KDF1: variants seen among roughly 807,000 people sequenced by gnomAD.
The protein encoded by KDF1 is keratinocyte differentiation factor 1.
In KDF1, 11 loss-of-function variants were observed where a neutral mutation model predicts 31.6. That is an observed-to-expected ratio of 0.35 (90% CI 0.22 to 0.58). KDF1 has a LOEUF of 0.58. Ranked by LOEUF, KDF1 falls within the 20% of genes least tolerant of loss-of-function variation. The probability of loss-of-function intolerance (pLI) is 0.83; values close to 1 mark genes in which losing one functional copy is unlikely to be tolerated. For synonymous variants in KDF1, 205 were observed against 214.4 expected (o/e 0.96, Z 0.38); for missense variants, 476 against 549.1 (o/e 0.87, Z 1.33).
At position 26,950,713 on chromosome 1, in the gene KDF1, G is replaced by A. The variant is rs762808351; in HGVS notation, c.1083C>T (p.Ile361=). 3.3e-5 allele frequency: 54 copies of A among 1,613,978 alleles called. No individual in the cohort carries two copies. Among genetic ancestry groups the A allele is most frequent in the Non-Finnish European group, 3.6e-5 (43 of 1,180,008 alleles). The change falls in exon 3 of 4, where the codon ATC becomes ATT. Residue 361 remains isoleucine, a synonymous_variant. Transcript: ENST00000320567. This position sits in a 1 kb window ranked among gnomAD's most constrained non-coding sequence, Gnocchi z 4.0. ...QISQETTADA[I]ARKLRPYGAP... ...CTCCATAAGGCCTCAGCTTCCGGGC[G>A]ATGGCATCTGCAGTCGTCTCCTGGG... is the stretch of plus-strand genomic sequence containing the variant.
Position 26,949,673 on chromosome 1 carries a change from A to G in KDF1, c.*396T>C, listed in dbSNP as rs772348729. ...TGGGCCCTGCCCACCCCCCAATACAATACATTTAAGATAAGCTTCTTTTAA... is the reference window on the plus strand; with the variant it reads ...TGGGCCCTGCCCACCCCCCAATACAGTACATTTAAGATAAGCTTCTTTTAA... On this transcript the variant is annotated 3_prime_UTR_variant, in exon 4 of 4. Transcript: ENST00000320567. The G allele has an allele frequency of 3.4e-4, 76 of 224,102 alleles. No homozygotes were observed. The highest frequency in any genetic ancestry group is 6.3e-4 in the Non-Finnish European group (70 of 111,608). 13.9% of individuals were successfully genotyped at this position (224,102 alleles called of 1,614,324 possible).
rs752930295 is a variant in KDF1 at position 26,951,542 on chromosome 1, CTGA to C, written c.836_838del (p.Ile279del). The stretch of plus-strand genomic sequence containing the variant: ...CAGGTGGTAGTCCTGCGTGATGCTG[CTGA>C]TAAGGTCCGAGATCTTACTGGTCTT... On this transcript the variant is annotated inframe_deletion, in exon 2 of 4. Coordinates refer to ENST00000320567, the MANE Select transcript of KDF1 (RefSeq NM_152365.3). The surrounding 1 kb of genome is among the most constrained non-coding windows in gnomAD (Gnocchi z 5.4). 1.2e-6 allele frequency: 2 copies of C among 1,612,800 alleles called. No homozygotes were observed.
chr1:26,956,735 G>C (rs1178081604), intron 1 of KDF1, among the ~76,000 whole-genome samples: 1 of 152,120 alleles, frequency 6.6e-6, no homozygotes, highest in Non-Finnish European at 1.5e-5. Context: ...GATTACTGTG[G>C]TTATATAAGA....
At chr1:26,956,778 G>A (rs2082378860) in intron 1 of KDF1, among the ~76,000 whole-genome samples, 1 of 152,180 alleles carries the variant, frequency 6.6e-6, no homozygotes, top group African/African-American at 2.4e-5. Flanking sequence ...ATACATTGAA[G>A]CACTTGGGGA....
At chr1:26,959,212 TGAGAA>T (rs948474883) in intron 1 of KDF1, among the ~76,000 whole-genome samples, 1 of 152,118 alleles carries the variant, frequency 6.6e-6, no homozygotes, top group African/African-American at 2.4e-5. Flanking sequence ...GGTGGTGGGA[TGAGAA>T]GAGAAGACCT....
In KDF1 at chr1:26,952,246, T is replaced by C. The variant is rs1415719444; in HGVS notation, c.135A>G (p.Pro45=). Residue 45 remains proline, a synonymous_variant, in exon 2 of 4, where the codon CCA becomes CCG. Transcript: ENST00000320567. The surrounding 1 kb of genome is among the most constrained non-coding windows in gnomAD (Gnocchi z 4.1). ...QPPPSRRTRR[P]DPKDPGHHGP... ...CATGGTGGCCAGGGTCCTTGGGGTC[T>C]GGTCTACGGGTGCGGCGGCTTGGTG... is the stretch of plus-strand genomic sequence containing the variant. The C allele has an allele frequency of 6.2e-7, 1 of 1,602,188 alleles. No individual in the cohort carries two copies. Among genetic ancestry groups the C allele is most frequent in the East Asian group, 2.2e-5 (1 of 44,700 alleles).
rs754368453 is a variant in KDF1, at chr1:26,951,408, C to T, written c.973G>A (p.Ala325Thr). 1 of 1,610,400 alleles carries T rather than the reference C, an allele frequency of 6.2e-7. No homozygotes were observed. Among genetic ancestry groups the T allele is most frequent in the East Asian group, 2.2e-5 (1 of 44,728 alleles). ...TSEGRSTRAA[A>T]PTAAAPDSGH... ...CTGTCAGGGGCAGCAGCGGTTGGGGCAGCAGCCCGAGTTGAACGACCCTCC... is the reference window on the plus strand; with the variant it reads ...CTGTCAGGGGCAGCAGCGGTTGGGGTAGCAGCCCGAGTTGAACGACCCTCC... The change falls in exon 2 of 4, where the codon GCC becomes ACC. Residue 325 changes from alanine to threonine, a missense_variant. Ala to Thr is a moderately conservative substitution (Grantham distance 58). Transcript: ENST00000320567. The surrounding 1 kb of genome is among the most constrained non-coding windows in gnomAD (Gnocchi z 5.4).
At chr1:26,959,568 C>CACT (rs1459940061) in intron 1 of KDF1, among the ~76,000 whole-genome samples, 1 of 152,116 alleles carries the variant, frequency 6.6e-6, no homozygotes, top group African/African-American at 2.4e-5. Context: ...GGGGCTAGGT[C>CACT]ACTAGGCGAT....
chr1:26,950,176 G>A lies in KDF1; in HGVS notation c.1115-25C>T, dbSNP rs2082340831. The A allele has an allele frequency of 6.3e-7, 1 of 1,594,042 alleles. No individual in the cohort carries two copies. The highest frequency in any genetic ancestry group is 1.7e-5 in the Admixed American group (1 of 59,942). ...CCTGGTAGGAAGGAGAGGAGAGGAG[G>A]AAACAGGCTCAGGGGAAGGAGCTCA... is the stretch of plus-strand genomic sequence containing the variant. On this transcript the variant is annotated intron_variant, in intron 3 of 3. Transcript: ENST00000320567. This position sits in a 1 kb window ranked among gnomAD's most constrained non-coding sequence, Gnocchi z 4.0.
At chr1:26,956,065 G>T (rs1184899390) in intron 1 of KDF1, among the ~76,000 whole-genome samples, 1 of 152,130 alleles carries the variant, frequency 6.6e-6, no homozygotes, top group Non-Finnish European at 1.5e-5. Flanking sequence ...AGTGTATTTG[G>T]GAAGGTCCTT....
At position 26,950,156 on chromosome 1, in the gene KDF1, T is replaced by C. The variant is rs770128492; in HGVS notation, c.1115-5A>G. 3.8e-5 allele frequency: 62 copies of C among 1,611,870 alleles called. No individual in the cohort carries two copies. The highest frequency in any genetic ancestry group is 5.3e-5 in the Non-Finnish European group (62 of 1,178,556). On this transcript the variant is annotated splice_polypyrimidine_tract_variant and splice_region_variant and intron_variant, in intron 3 of 3. Transcript: ENST00000320567. This position sits in a 1 kb window ranked among gnomAD's most constrained non-coding sequence, Gnocchi z 4.0. ...AGTCATGGCTTGCTGGGTACCCTGGTAGGAAGGAGAGGAGAGGAGGAAACA... is the reference window on the plus strand; with the variant it reads ...AGTCATGGCTTGCTGGGTACCCTGGCAGGAAGGAGAGGAGAGGAGGAAACA...
At chr1:26,955,096 G>A (rs1235959641) in intron 1 of KDF1, among the ~76,000 whole-genome samples, 1 of 151,954 alleles carries the variant, frequency 6.6e-6, no homozygotes, top group East Asian at 2.0e-4. Flanking sequence ...GACCTCAGGT[G>A]ATCTGCCCAC....
chr1:26,954,224 G>GTTT (rs544512521), intron 1 of KDF1, among the ~76,000 whole-genome samples: 4 of 134,716 alleles, frequency 3.0e-5, no homozygotes, highest in Non-Finnish European at 3.2e-5. Context: ...GCTTAAATAT[G>GTTT]TTTTTTTTTT....
rs745655417 is a variant in KDF1, at chr1:26,951,460, T to G, written c.921A>C (p.Arg307=). The G allele has an allele frequency of 1.2e-6, 2 of 1,613,920 alleles. No individual in the cohort carries two copies. Among genetic ancestry groups the G allele is most frequent in the Admixed American group, 1.7e-5 (1 of 60,014 alleles). Reference sequence around the variant, plus strand: ...AGGTCTGTGGGCGAGCACGGCTCTTTCGGGTACTAATGCGAATGATGCCGC... The same window carrying G: ...AGGTCTGTGGGCGAGCACGGCTCTTGCGGGTACTAATGCGAATGATGCCGC... ...LVRGIIRIST[R]KSRARPQTSE... is the part of the protein sequence containing the mutation. Residue 307 remains arginine (R), a synonymous_variant, in exon 2 of 4, where the codon CGA becomes CGC. Coordinates refer to ENST00000320567, the MANE Select transcript of KDF1 (RefSeq NM_152365.3). The surrounding 1 kb of genome is among the most constrained non-coding windows in gnomAD (Gnocchi z 5.4).
At position 26,952,509 on chromosome 1, in the gene KDF1, C is replaced by A; in HGVS notation, c.-32-97G>T. 2.1e-6 allele frequency: 2 copies of A among 964,176 alleles called. No individual in the cohort carries two copies. Among genetic ancestry groups the A allele is most frequent in the Non-Finnish European group, 2.9e-6 (2 of 679,800 alleles). The allele number at this position is 964,176 out of a possible 1,614,324, so 59.7% of individuals were successfully genotyped here. A position where few individuals can be genotyped will look rare whatever the true frequency, so the allele number is the denominator to read the frequency against. On this transcript the variant is annotated intron_variant, in intron 1 of 3. Coordinates refer to ENST00000320567, the MANE Select transcript of KDF1 (RefSeq NM_152365.3). This position sits in a 1 kb window ranked among gnomAD's most constrained non-coding sequence, Gnocchi z 4.1. The stretch of plus-strand genomic sequence containing the variant: ...CTTCACATTTCTAGTTTCTGAGAGG[C>A]CTGGGATGTGGATGGACCCAAGTAT...
chr1:26,959,888 C>T (rs867231667), intron 1 of KDF1, among the ~76,000 whole-genome samples: 1 of 152,172 alleles, frequency 6.6e-6, no homozygotes, highest in Admixed American at 6.5e-5. Context: ...GTCCCATATC[C>T]GCGGGCAGCT....
chr1:26,952,495 T>G lies in KDF1; in HGVS notation c.-32-83A>C. 9.3e-7 allele frequency: 1 copy of G among 1,074,762 alleles called. No homozygotes were observed. The highest frequency in any genetic ancestry group is 1.3e-6 in the Non-Finnish European group (1 of 774,584). 66.6% of individuals were successfully genotyped at this position (1,074,762 alleles called of 1,614,324 possible). ...GCTGACTTGAGCAGCTTCACATTTC[T>G]AGTTTCTGAGAGGCCTGGGATGTGG... On this transcript the variant is annotated intron_variant, in intron 1 of 3. Transcript: ENST00000320567. The surrounding 1 kb of genome is among the most constrained non-coding windows in gnomAD (Gnocchi z 4.1).
At position 26,952,436 on chromosome 1, in the gene KDF1, G is replaced by A; in HGVS notation, c.-32-24C>T. The A allele has an allele frequency of 6.9e-7, 1 of 1,451,850 alleles. No homozygotes were observed. Among genetic ancestry groups the A allele is most frequent in the Non-Finnish European group, 9.2e-7 (1 of 1,092,834 alleles). 89.9% of individuals were successfully genotyped at this position (1,451,850 alleles called of 1,614,324 possible). ...ACCTGCGTGGGGAGAGGCCAGGAAG[G>A]AGTCAGGATCAGAGGTGAGGGACAA... On this transcript the variant is annotated intron_variant, in intron 1 of 3. Transcript: ENST00000320567. This position sits in a 1 kb window ranked among gnomAD's most constrained non-coding sequence, Gnocchi z 4.1.
chr1:26,956,354 C>CTTCCA (rs1269945774), intron 1 of KDF1, among the ~76,000 whole-genome samples: 1 of 152,158 alleles, frequency 6.6e-6, no homozygotes, highest in Admixed American at 6.6e-5. Flanking sequence ...ATTCTGGCCA[C>CTTCCA]TTCCATTCCC....
Sources: gnomAD v4.1 joint callset for allele counts (sites outside exome capture counted in the v4.1 genomes callset) on GRCh38, gnomAD v4.1.1 for gene constraint, Gnocchi (gnomAD v3.1) non-coding constraint, MANE v1.5 for transcripts, NCBI Gene and HGNC (gene_info 2026-07-23, HGNC 2026-07-21) for gene names.